PRKCZ: variants seen among roughly 807,000 people sequenced by gnomAD.
The protein encoded by PRKCZ is protein kinase C zeta type.
A neutral mutation model predicts 79.5 loss-of-function variants in PRKCZ; 33 were observed. The observed-to-expected ratio is 0.41, with a 90% confidence interval of 0.31 to 0.55. The LOEUF (loss-of-function observed/expected upper bound fraction) is 0.55. Among genes scored for constraint, PRKCZ ranks in the 20% least tolerant of loss-of-function variants. The pLI is 0.19. For synonymous variants in PRKCZ, 342 were observed against 320.9 expected, an observed-to-expected ratio of 1.07 and a Z score of -0.70; for missense variants, 578 against 813.5, an observed-to-expected ratio of 0.71 and a Z score of 3.52.
Position 2,172,922 on chromosome 1 carries a change from TGC to T in PRKCZ, c.1285+536_1285+537del, listed in dbSNP as rs1243315393. Among the ~76,000 whole-genome samples the T allele has an allele frequency of 1.9e-3, 293 of 152,074 alleles. 1 individual carries two copies. The highest frequency in any genetic ancestry group is 6.0e-3 in the South Asian group (29 of 4,820). Reference sequence around the variant, plus strand: ...GTGGGCACGCGTGTGCAGCCGTGTGTGCGTGTGTGAAACGGGGATGTGGGCAC... The same window carrying T: ...GTGGGCACGCGTGTGCAGCCGTGTGTGTGTGTGAAACGGGGATGTGGGCAC... On this transcript the variant is annotated intron_variant, in intron 13 of 17. Coordinates refer to ENST00000378567, the MANE Select transcript of PRKCZ (RefSeq NM_002744.6). The surrounding 1 kb of genome is among the most constrained non-coding windows in gnomAD (Gnocchi z 7.8).
chr1:2,139,922 G>T (rs1030136480), intron 5 of PRKCZ, among the ~76,000 whole-genome samples: 2 of 152,238 alleles, frequency 1.3e-5, no homozygotes, highest in Non-Finnish European at 2.9e-5. Context: ...AGCTGTGGCT[G>T]CTGGAGAGCC....
At chr1:2,148,198 C>T (rs1679080889) in intron 7 of PRKCZ, among the ~76,000 whole-genome samples, 1 of 151,816 alleles carries the variant, frequency 6.6e-6, no homozygotes, top group African/African-American at 2.4e-5. Context: ...ACTGACCTCT[C>T]CATCTTTCCG....
chr1:2,120,088 T>C (rs995255274), intron 4 of PRKCZ, among the ~76,000 whole-genome samples: 1 of 152,126 alleles, frequency 6.6e-6, no homozygotes, highest in Admixed American at 6.5e-5. Flanking sequence ...ATTTCTGTGG[T>C]GAGGGCGCCT....
chr1:2,138,634 A>T (rs1053756426), intron 5 of PRKCZ, among the ~76,000 whole-genome samples: 1 of 150,242 alleles, frequency 6.7e-6, no homozygotes, highest in African/African-American at 2.5e-5. Flanking sequence ...AGGTGGATTG[A>T]GGTTAAAAAA....
intron 4 of PRKCZ, among the ~76,000 whole-genome samples, chr1:2,124,353 C>T (rs75832505): frequency 0.026 from 64 of 2,502 alleles, 2 homozygotes; most frequent in African/African-American, 0.045. Context: ...AGGGTCACGG[C>T]GGTGGTTAGG....
Position 2,172,917 on chromosome 1 carries a change from G to A in PRKCZ, c.1285+529G>A, listed in dbSNP as rs113573957. On this transcript the variant is annotated intron_variant, in intron 13 of 17. Coordinates refer to ENST00000378567, the MANE Select transcript of PRKCZ (RefSeq NM_002744.6). The surrounding 1 kb of genome is among the most constrained non-coding windows in gnomAD (Gnocchi z 7.8). ...GGGACGTGGGCACGCGTGTGCAGCC[G>A]TGTGTGCGTGTGTGAAACGGGGATG... is the stretch of plus-strand genomic sequence containing the variant. 6.0e-5 allele frequency among the ~76,000 whole-genome samples: 9 copies of A among 150,286 alleles called. No homozygotes were observed. Among genetic ancestry groups the A allele is most frequent in the East Asian group, 2.0e-4 (1 of 5,110 alleles).
chr1:2,059,616 G>A (rs371366692), intron 4 of PRKCZ, 25 bp downstream of exon 4: 21 of 1,613,156 alleles, frequency 1.3e-5, no homozygotes, highest in African/African-American at 2.7e-5. Flanking sequence ...TTCCTACGCC[G>A]GTCTCGCATG....
intron 4 of PRKCZ, among the ~76,000 whole-genome samples, chr1:2,069,326 C>T (rs1041827195): frequency 2.6e-5 from 4 of 152,100 alleles, no homozygotes; most frequent in African/African-American, 4.8e-5. Flanking sequence ...GGAGAACCCC[C>T]GTGAGTGGAG....
chr1:2,161,675 G>A (rs903700152), intron 10 of PRKCZ, among the ~76,000 whole-genome samples: 6 of 152,200 alleles, frequency 3.9e-5, no homozygotes, highest in Admixed American at 2.0e-4. Flanking sequence ...TCGGGGTCAC[G>A]TTAGGACCGG....
chr1:2,104,186 A>G (rs1422968455), intron 4 of PRKCZ, among the ~76,000 whole-genome samples: 1 of 152,100 alleles, frequency 6.6e-6, no homozygotes, highest in Non-Finnish European at 1.5e-5. Context: ...TGAGGCTTGC[A>G]GGGTTTGAAC....
At chr1:2,160,488 G>C (rs1309843165) in intron 10 of PRKCZ, among the ~76,000 whole-genome samples, 1 of 152,198 alleles carries the variant, frequency 6.6e-6, no homozygotes, top group Non-Finnish European at 1.5e-5. Context: ...GGAAGGACGA[G>C]GGCAATGGTG....
At chr1:2,142,670 G>C (rs576745165) in intron 5 of PRKCZ, 1 of 167,424 alleles carries the variant, frequency 6.0e-6, no homozygotes, top group Non-Finnish European at 1.3e-5. Flanking sequence ...AGGATGTGGA[G>C]TCGGCTCCTT....
rs1673599225 is a variant in PRKCZ at position 2,125,019 on chromosome 1, C to T, written c.335-10243C>T. 1.3e-5 allele frequency among the ~76,000 whole-genome samples: 2 copies of T among 152,240 alleles called. No homozygotes were observed. The highest frequency in any genetic ancestry group is 4.8e-5 in the African/African-American group (2 of 41,468). ...AGTTATTGTGACTCAGCCGCACGTC[C>T]TCCCAGGGGCCTTGCCAGCCTGGCT... On this transcript the variant is annotated intron_variant, in intron 4 of 17. Coordinates refer to ENST00000378567, the MANE Select transcript of PRKCZ (RefSeq NM_002744.6). This position sits in a 1 kb window ranked among gnomAD's most constrained non-coding sequence, Gnocchi z 4.2.
At position 2,172,078 on chromosome 1, in the gene PRKCZ, T is replaced by G; in HGVS notation, c.1085T>G (p.Ile362Ser). Reference protein sequence around the residue: ...HARFYAAEICIALNFLHERGI... With the variant: ...HARFYAAEICSALNFLHERGI... ...AGGTTCTACGCGGCCGAGATCTGCA[T>G]CGCCCTCAACTTCCTGCACGAGAGG... is the stretch of plus-strand genomic sequence containing the variant. The change falls in exon 12 of 18, where the codon ATC (isoleucine) becomes AGC (serine). Residue 362 changes from isoleucine (I) to serine (S), a missense_variant. Coordinates refer to ENST00000378567, the MANE Select transcript of PRKCZ (RefSeq NM_002744.6). The surrounding 1 kb of genome is among the most constrained non-coding windows in gnomAD (Gnocchi z 7.8). 1 of 1,612,104 alleles carries G rather than the reference T, an allele frequency of 6.2e-7. No individual in the cohort carries two copies.
chr1:2,111,420 A>G lies in PRKCZ; in HGVS notation c.335-23842A>G, dbSNP rs557132078. On this transcript the variant is annotated intron_variant, in intron 4 of 17. Transcript: ENST00000378567. ...GTGATGGGCAGGATGAGGGGGCCAG[A>G]GGGGATCACGCAACAAGGGGTGCAC... Among the ~76,000 whole-genome samples, 7 of 149,590 alleles carry G rather than the reference A, an allele frequency of 4.7e-5. No individual in the cohort carries two copies. The South Asian group carries it at 1.5e-3, about 32-fold the overall frequency.
intron 9 of PRKCZ, among the ~76,000 whole-genome samples, chr1:2,155,662 G>A (rs77369128): frequency 1.6e-5 from 2 of 126,928 alleles, no homozygotes; most frequent in Non-Finnish European, 3.4e-5. Flanking sequence ...AACAATGATG[G>A]TGGTGGGTGG....
At chr1:2,155,317 CAGT>C (rs1360290674) in intron 9 of PRKCZ, among the ~76,000 whole-genome samples, 1 of 147,124 alleles carries the variant, frequency 6.8e-6, no homozygotes, top group South Asian at 2.2e-4. Context: ...GTGGTGATGA[CAGT>C]GATGATGGTA....
intron 4 of PRKCZ, among the ~76,000 whole-genome samples, chr1:2,080,840 C>A (rs994468838): frequency 6.6e-6 from 1 of 152,192 alleles, no homozygotes; most frequent in Non-Finnish European, 1.5e-5. Context: ...TCATTTTCAA[C>A]GACCTTCGTA....
upstream of PRKCZ, among the ~76,000 whole-genome samples, chr1:2,048,966 G>A (rs570989471): frequency 2.0e-5 from 3 of 152,290 alleles, no homozygotes; most frequent in African/African-American, 7.2e-5. Flanking sequence ...AGGAGTTCGA[G>A]ACCAGCCTGG....
Sources: allele counts gnomAD v4.1 joint callset (sites outside exome capture counted in the v4.1 genomes callset), GRCh38; gene constraint gnomAD v4.1.1; non-coding constraint Gnocchi (gnomAD v3.1); transcripts MANE v1.5; gene names NCBI Gene and HGNC (gene_info 2026-07-23, HGNC 2026-07-21).